ATP11A: variants seen among roughly 807,000 people sequenced by gnomAD.
ATP11A encodes ATPase phospholipid transporting 11A, also known as phospholipid-transporting ATPase IH.
A neutral mutation model predicts 154.4 loss-of-function variants in ATP11A; 81 were observed. That is an observed-to-expected ratio of 0.52 (90% confidence interval 0.44 to 0.63). The LOEUF (loss-of-function observed/expected upper bound fraction) is 0.63, where lower values mean the gene tolerates loss of function less well. ATP11A is among the 30% of genes least tolerant of loss of function. The pLI is 0.00. For missense variants in ATP11A, 1,316 were observed against 1,474.3 expected (o/e 0.89, Z 1.76); for synonymous variants, 623 against 585.9 (o/e 1.06, Z -0.91).
intron 1 of ATP11A, among the ~76,000 whole-genome samples, chr13:112,751,476 A>G (rs1237485350): frequency 6.6e-6 from 1 of 152,124 alleles, no homozygotes; most frequent in Non-Finnish European, 1.5e-5. Context: ...CCTGGCCAAC[A>G]TGGTGAAACC....
intron 1 of ATP11A, among the ~76,000 whole-genome samples, chr13:112,756,004 C>G (rs1018538900): frequency 6.6e-6 from 1 of 151,812 alleles, no homozygotes; most frequent in Admixed American, 6.6e-5. Context: ...GTCACGGAAA[C>G]GGCACTCAGA....
intron 6 of ATP11A, among the ~76,000 whole-genome samples, chr13:112,817,333 A>G (rs1302546960): frequency 6.6e-6 from 1 of 152,232 alleles, no homozygotes; most frequent in Admixed American, 6.5e-5. Flanking sequence ...TCTTTCATAG[A>G]TAATTCATGA....
chr13:112,723,527 C>T (rs1889463844), intron 1 of ATP11A, among the ~76,000 whole-genome samples: 1 of 150,622 alleles, frequency 6.6e-6, no homozygotes, highest in African/African-American at 2.4e-5. Flanking sequence ...CTGCCTTGTC[C>T]TCCCCAAGTG....
At chr13:112,877,579 C>A (rs2080767433) in intron 28 of ATP11A, among the ~76,000 whole-genome samples, 1 of 152,114 alleles carries the variant, frequency 6.6e-6, no homozygotes, top group African/African-American at 2.4e-5. Context: ...GTCTGCTGGG[C>A]CCCTAGCTGT....
At chr13:112,833,596 C>T (rs1370232475) in intron 14 of ATP11A, among the ~76,000 whole-genome samples, 5 of 152,228 alleles carry the variant, frequency 3.3e-5, no homozygotes, top group Non-Finnish European at 7.3e-5. Context: ...CCAAAAGTGC[C>T]TTCAGGGACT....
chr13:112,775,861 G>A (rs925009094), intron 1 of ATP11A, among the ~76,000 whole-genome samples: 8 of 152,230 alleles, frequency 5.3e-5, no homozygotes, highest in African/African-American at 1.9e-4. Flanking sequence ...CGACAACCTA[G>A]TTTCTGCCCC....
intron 1 of ATP11A, among the ~76,000 whole-genome samples, chr13:112,741,736 T>C (rs1470531617): frequency 5.3e-5 from 8 of 152,188 alleles, no homozygotes; most frequent in Admixed American, 5.2e-4. Context: ...TGTTTTTGTT[T>C]GTGGCTCTCT....
At chr13:112,795,924 G>T (rs368088825) in intron 2 of ATP11A, among the ~76,000 whole-genome samples, 32 of 152,330 alleles carry the variant, frequency 2.1e-4, no homozygotes, top group African/African-American at 6.3e-4. Context: ...GCAGGGTCAG[G>T]ATCGAATATG....
At chr13:112,868,327 G>A (rs1247088973) in intron 25 of ATP11A, among the ~76,000 whole-genome samples, 5 of 152,342 alleles carry the variant, frequency 3.3e-5, no homozygotes, top group South Asian at 2.1e-4. Context: ...TATGCTGGCC[G>A]TGGATGTTTT....
At chr13:112,832,245 G>A (rs2079114878) in intron 13 of ATP11A, among the ~76,000 whole-genome samples, 3 of 152,204 alleles carry the variant, frequency 2.0e-5, no homozygotes, top group African/African-American at 2.4e-5. Flanking sequence ...GAATTTCCCC[G>A]CACACAGGGC....
At chr13:112,791,908 A>G (rs421595) in intron 2 of ATP11A, among the ~76,000 whole-genome samples, 91,436 of 151,916 alleles carry the variant, frequency 0.6, 28,401 homozygotes, top group African/African-American at 0.76. Flanking sequence ...GGAAGCCCTC[A>G]CTCAGGAACG....
rs926715112 is a variant in ATP11A at position 112,701,561 on chromosome 13, G to A, written c.39+11106G>A. ...AAAATTATCTGTCAGGGCCGGGCGC[G>A]GTGGCTCATGCCTGTAATCGCAGCA... is the stretch of plus-strand genomic sequence containing the variant. On this transcript the variant is annotated intron_variant, in intron 1 of 29. Coordinates refer to ENST00000375645, the MANE Select transcript of ATP11A (RefSeq NM_015205.3). Among the ~76,000 whole-genome samples, 16 of 152,288 alleles carry A rather than the reference G, an allele frequency of 1.1e-4. No homozygotes were observed. The South Asian group carries it at 1.5e-3, about 14-fold the overall frequency.
chr13:112,690,520 C>T lies in ATP11A; in HGVS notation c.39+65C>T. Reference sequence around the variant, plus strand: ...GACAGACGCGGGCCGGCCCCGCAGCCCGGACCCTGTGGCCGGTCCAGCCCC... The same window carrying T: ...GACAGACGCGGGCCGGCCCCGCAGCTCGGACCCTGTGGCCGGTCCAGCCCC... On this transcript the variant is annotated intron_variant, in intron 1 of 29. Coordinates refer to ENST00000375645, the MANE Select transcript of ATP11A (RefSeq NM_015205.3). The surrounding 1 kb of genome is among the most constrained non-coding windows in gnomAD (Gnocchi z 5.6). The T allele has an allele frequency of 2.4e-6, 3 of 1,258,236 alleles. No homozygotes were observed. Among genetic ancestry groups the T allele is most frequent in the Non-Finnish European group, 3.0e-6 (3 of 999,384 alleles). The allele number at this position is 1,258,236 out of a possible 1,614,324, so 77.9% of individuals were successfully genotyped here.
chr13:112,711,891 C>T (rs979993273), intron 1 of ATP11A, among the ~76,000 whole-genome samples: 1 of 152,210 alleles, frequency 6.6e-6, no homozygotes, highest in African/African-American at 2.4e-5. Flanking sequence ...GCCTGGATGA[C>T]TCACTTTCTG....
chr13:112,747,892 G>A (rs1892365672), intron 1 of ATP11A, among the ~76,000 whole-genome samples: 1 of 151,974 alleles, frequency 6.6e-6, no homozygotes, highest in Admixed American at 6.6e-5. Flanking sequence ...GAAAGAAAGG[G>A]TAAGGCAAAA....
At chr13:112,702,178 T>C (rs1331706873) in intron 1 of ATP11A, among the ~76,000 whole-genome samples, 1 of 151,592 alleles carries the variant, frequency 6.6e-6, no homozygotes, top group Non-Finnish European at 1.5e-5. Flanking sequence ...AAATCCTGTC[T>C]CTACTACAAA....
Position 112,880,298 on chromosome 13 carries a change from C to T in ATP11A, c.*10-1578C>T, listed in dbSNP as rs1006767556. On this transcript the variant is annotated intron_variant, in intron 29 of 29. Coordinates refer to ENST00000375645, the MANE Select transcript of ATP11A (RefSeq NM_015205.3). ...CTCTGCCTCCCGCGGGTGCATGGCC[C>T]GTCCCTGAGCCTGTCGCTGTCTCAG... The T allele has an allele frequency of 1.5e-4, 25 of 172,224 alleles. No individual in the cohort carries two copies. The East Asian group carries it at 1.9e-3, about 13-fold the overall frequency. The allele number at this position is 172,224 out of a possible 1,614,324, so 10.7% of individuals were successfully genotyped here.
At chr13:112,808,191 C>G (rs1205453523) in intron 4 of ATP11A, among the ~76,000 whole-genome samples, 5 of 152,110 alleles carry the variant, frequency 3.3e-5, no homozygotes, top group Non-Finnish European at 1.5e-5. Flanking sequence ...CGGCTGTGCC[C>G]CATCCCTGGC....
intron 1 of ATP11A, among the ~76,000 whole-genome samples, chr13:112,711,955 C>G (rs1003951685): frequency 2.6e-5 from 4 of 152,186 alleles, no homozygotes; most frequent in Non-Finnish European, 5.9e-5. Flanking sequence ...AATTAACATT[C>G]CTAGGAATCT....
Sources: gnomAD v4.1 joint callset for allele counts (sites outside exome capture counted in the v4.1 genomes callset) on GRCh38, gnomAD v4.1.1 for gene constraint, Gnocchi (gnomAD v3.1) non-coding constraint, MANE v1.5 for transcripts, NCBI Gene and HGNC (gene_info 2026-07-23, HGNC 2026-07-21) for gene names.